The following PCSK2 variants were observed in gnomAD, a reference collection of about 807,000 sequenced individuals.
PCSK2 encodes the protein proprotein convertase subtilisin/kexin type 2.
A neutral mutation model predicts 69.7 loss-of-function variants in PCSK2; 14 were observed. The observed-to-expected ratio is 0.20, with a 90% CI of 0.13 to 0.31. The LOEUF is 0.31. Ranked by LOEUF, PCSK2 falls within the 10% of genes least tolerant of loss-of-function variation. The probability of loss-of-function intolerance (pLI) is 1.00; values close to 1 mark genes in which losing one functional copy is unlikely to be tolerated. For synonymous variants in PCSK2, 307 were observed against 320.7 expected (o/e 0.96, Z 0.46); for missense variants, 544 against 842.5 (o/e 0.65, Z 4.39).
chr20:17,374,337 G>T, intron 5 of PCSK2, among the ~76,000 whole-genome samples: 1 of 152,162 alleles, frequency 6.6e-6, no homozygotes, highest in East Asian at 1.9e-4. Flanking sequence ...CACAGTACGG[G>T]CCCAAGCTCA....
chr20:17,283,664 A>C (rs886075586), intron 2 of PCSK2, among the ~76,000 whole-genome samples: 2 of 152,208 alleles, frequency 1.3e-5, no homozygotes, highest in African/African-American at 4.8e-5. Flanking sequence ...TGAGTTCAAG[A>C]GTGAGCATTT....
intron 2 of PCSK2, among the ~76,000 whole-genome samples, chr20:17,355,636 C>T (rs183924595): frequency 1.6e-5 from 2 of 128,128 alleles, no homozygotes; most frequent in Admixed American, 1.8e-4. Flanking sequence ...TGAATATGCA[C>T]ATGTGTGCAC....
In PCSK2 at chr20:17,382,186, G is replaced by A. The variant is rs142255573; in HGVS notation, c.543+12909G>A. On this transcript the variant is annotated intron_variant, in intron 5 of 11. Transcript: ENST00000262545. The stretch of plus-strand genomic sequence containing the variant: ...TTGTCTCCCACCTCTTCTCCCTGCC[G>A]TGGTTCTGATATTTCTCCATTGATT... Among the ~76,000 whole-genome samples the A allele has an allele frequency of 9.2e-5, 14 of 152,250 alleles. 1 individual carries two copies. The East Asian group carries it at 1.5e-3, about 17-fold the overall frequency.
chr20:17,319,634 C>G (rs1270835728), intron 2 of PCSK2, among the ~76,000 whole-genome samples: 1 of 151,754 alleles, frequency 6.6e-6, no homozygotes, highest in Non-Finnish European at 1.5e-5. Flanking sequence ...GTCACTTGGC[C>G]AGGTCTAGGG....
chr20:17,254,172 C>T (rs1987094506), intron 1 of PCSK2, among the ~76,000 whole-genome samples: 1 of 152,080 alleles, frequency 6.6e-6, no homozygotes, highest in Non-Finnish European at 1.5e-5. Context: ...CTTTTCGTTT[C>T]CTTCGCTATT....
At chr20:17,274,165 T>C (rs1307587012) in intron 2 of PCSK2, among the ~76,000 whole-genome samples, 2 of 152,174 alleles carry the variant, frequency 1.3e-5, no homozygotes, top group Non-Finnish European at 2.9e-5. Context: ...CATATTCTAT[T>C]ATTCTGGGTG....
At chr20:17,298,007 C>A (rs1210073352) in intron 2 of PCSK2, among the ~76,000 whole-genome samples, 2 of 152,084 alleles carry the variant, frequency 1.3e-5, no homozygotes, top group African/African-American at 2.4e-5. Flanking sequence ...CTTTTTCCGC[C>A]CTTTATTTTA....
rs912465919 is a variant in PCSK2 at position 17,364,295 on chromosome 20, A to G, written c.505+3655A>G. Among the ~76,000 whole-genome samples the G allele has an allele frequency of 2.0e-5, 3 of 152,216 alleles. No individual in the cohort carries two copies. In the South Asian group the frequency reaches 6.2e-4, roughly 32 times the overall value. ...GATTTAGAACTCTGCATCACATAGAAAACAGTAGGAAGGTCCAGCAGGGTG... is the reference window on the plus strand; with the variant it reads ...GATTTAGAACTCTGCATCACATAGAGAACAGTAGGAAGGTCCAGCAGGGTG... On this transcript the variant is annotated intron_variant, in intron 4 of 11. Coordinates refer to ENST00000262545, the MANE Select transcript of PCSK2 (RefSeq NM_002594.5).
At chr20:17,467,799 C>T (rs1177971507) in intron 11 of PCSK2, among the ~76,000 whole-genome samples, 2 of 152,176 alleles carry the variant, frequency 1.3e-5, no homozygotes, top group African/African-American at 4.8e-5. Flanking sequence ...ACAGCAGGCA[C>T]ACAGTAGGCA....
At chr20:17,266,546 C>T (rs1365100925) in intron 2 of PCSK2, among the ~76,000 whole-genome samples, 3 of 152,160 alleles carry the variant, frequency 2.0e-5, no homozygotes, top group Non-Finnish European at 2.9e-5. Context: ...CTCCCTAAGG[C>T]GTGATTCTTC....
chr20:17,452,569 C>T (rs943270232), intron 8 of PCSK2, among the ~76,000 whole-genome samples: 1 of 152,220 alleles, frequency 6.6e-6, no homozygotes, highest in African/African-American at 2.4e-5. Flanking sequence ...ACCATGGACA[C>T]CTGGTGACCA....
chr20:17,418,018 A>G (rs769619911), intron 6 of PCSK2, among the ~76,000 whole-genome samples: 4 of 152,218 alleles, frequency 2.6e-5, no homozygotes. Context: ...TTGGTGTGCA[A>G]GCTTCCAAGG....
intron 6 of PCSK2, among the ~76,000 whole-genome samples, chr20:17,416,421 A>G (rs187099668): frequency 0.01 from 1,553 of 152,386 alleles, 32 homozygotes; most frequent in African/African-American, 0.035. Context: ...ACATGAAAAA[A>G]TGCTCATCAT....
chr20:17,279,587 C>T (rs1327630975), intron 2 of PCSK2, among the ~76,000 whole-genome samples: 1 of 151,936 alleles, frequency 6.6e-6, no homozygotes, highest in Non-Finnish European at 1.5e-5. Context: ...GGGTGGATCA[C>T]CTGAGGTCCA....
intron 1 of PCSK2, 98 bp from the exon 2 acceptor site, chr20:17,260,142 C>T: frequency 1.3e-6 from 1 of 758,264 alleles, no homozygotes; most frequent in Non-Finnish European, 2.4e-6. Context: ...TACTTCCCTA[C>T]CCCATGGAGC....
chr20:17,373,385 T>C (rs879306849), intron 5 of PCSK2, among the ~76,000 whole-genome samples: 4 of 152,086 alleles, frequency 2.6e-5, no homozygotes, highest in Admixed American at 2.6e-4. Context: ...TCGTCAGTCA[T>C]TGGTTGAGGG....
At chr20:17,411,347 G>C (rs2031867747) in intron 6 of PCSK2, among the ~76,000 whole-genome samples, 1 of 152,254 alleles carries the variant, frequency 6.6e-6, no homozygotes, top group Non-Finnish European at 1.5e-5. Flanking sequence ...TTTTCCCATG[G>C]TCTTAGCAAA....
intron 2 of PCSK2, among the ~76,000 whole-genome samples, chr20:17,318,668 CG>C (rs1989766694): frequency 6.6e-6 from 1 of 152,172 alleles, no homozygotes; most frequent in Non-Finnish European, 1.5e-5. Context: ...TTCATCTCCA[CG>C]GGGCATTCCA....
At position 17,353,200 on chromosome 20, in the gene PCSK2, T is replaced by C. The variant is rs111972176; in HGVS notation, c.283-5127T>C. Reference sequence around the variant, plus strand: ...AAAATAGGCTGGATGCGGTGGCTCATGCCTGTAATCCCAGCACTTTGGGAG... The same window carrying C: ...AAAATAGGCTGGATGCGGTGGCTCACGCCTGTAATCCCAGCACTTTGGGAG... On this transcript the variant is annotated intron_variant, in intron 2 of 11. Transcript: ENST00000262545. Among the ~76,000 whole-genome samples the C allele has an allele frequency of 5.0e-3, 768 of 152,146 alleles. 10 individuals are homozygous for C. Among genetic ancestry groups the C allele is most frequent in the African/African-American group, 0.018 (728 of 41,520 alleles).
Sources: allele counts gnomAD v4.1 joint callset (sites outside exome capture counted in the v4.1 genomes callset), GRCh38; gene constraint gnomAD v4.1.1; transcripts MANE v1.5; gene names NCBI Gene and HGNC (gene_info 2026-07-23, HGNC 2026-07-21).